Variants in GLRA2 observed in about 807,000 individuals in gnomAD.
GLRA2 encodes the protein glycine receptor alpha 2, also known as glycine receptor subunit alpha-2.
Under a neutral mutation model 31.6 loss-of-function variants are expected in GLRA2, and 11 were observed. That is an observed-to-expected ratio of 0.35 (90% CI 0.22 to 0.58). The LOEUF (loss-of-function observed/expected upper bound fraction) is 0.58. GLRA2 is among the 20% of genes least tolerant of loss of function. The probability of loss-of-function intolerance (pLI) is 0.84; values close to 1 mark genes in which losing one functional copy is unlikely to be tolerated. For missense variants in GLRA2, 212 were observed against 351.8 expected, an observed-to-expected ratio of 0.60 and a Z score of 3.18; for synonymous variants, 132 against 134.0, an observed-to-expected ratio of 0.99 and a Z score of 0.10.
At chrX:14,643,466 G>A (rs151168046) in intron 7 of GLRA2, among the ~76,000 whole-genome samples, 2,984 of 111,377 alleles carry the variant, frequency 0.027, 59 homozygotes, top group African/African-American at 0.074. Context: ...AGAAATACCC[G>A]GGGTTAGTTT....
At chrX:14,578,098 T>C (rs969118170) in intron 3 of GLRA2, among the ~76,000 whole-genome samples, 1 of 112,173 alleles carries the variant, frequency 8.9e-6, no homozygotes, top group Non-Finnish European at 1.9e-5. Flanking sequence ...TTTGAGTTTC[T>C]AAACCTGTTG....
At chrX:14,512,438 T>C in the GLRA2 span, among the ~76,000 whole-genome samples, 3 of 111,273 alleles carry the variant, frequency 2.7e-5, no homozygotes, top group African/African-American at 9.8e-5. Context: ...AGACAAGAGA[T>C]AGAAATAAAG....
At chrX:14,501,750 A>G in the GLRA2 span, among the ~76,000 whole-genome samples, 1 of 111,877 alleles carries the variant, frequency 8.9e-6, no homozygotes, top group Admixed American at 9.5e-5. Context: ...CAGGAATCGT[A>G]ATTATAGTTG....
chrX:14,467,806 G>A, the GLRA2 span, among the ~76,000 whole-genome samples: 1 of 110,170 alleles, frequency 9.1e-6, no homozygotes, highest in African/African-American at 3.3e-5. Context: ...CTCCTGAAGT[G>A]TGATATAAAT....
intron 7 of GLRA2, among the ~76,000 whole-genome samples, chrX:14,615,447 A>G (rs987253818): frequency 9.0e-6 from 1 of 111,611 alleles, no homozygotes; most frequent in Admixed American, 9.6e-5. Flanking sequence ...AGGCATTTGG[A>G]ATGGTGATTA....
the GLRA2 span, among the ~76,000 whole-genome samples, chrX:14,474,212 G>T: frequency 2.7e-5 from 3 of 111,179 alleles, no homozygotes; most frequent in Non-Finnish European, 5.7e-5. Flanking sequence ...CCAACTCACC[G>T]GGCTCTTCAC....
intron 8 of GLRA2, among the ~76,000 whole-genome samples, chrX:14,702,329 A>G (rs2091556038): frequency 8.9e-6 from 1 of 112,005 alleles, no homozygotes; most frequent in Non-Finnish European, 1.9e-5. Context: ...GATTGGAATA[A>G]GGCACAAGAT....
chrX:14,709,650 T>A (rs2091683975), intron 8 of GLRA2, among the ~76,000 whole-genome samples: 1 of 112,122 alleles, frequency 8.9e-6, no homozygotes, highest in African/African-American at 3.2e-5. Flanking sequence ...ACAGAGATGA[T>A]CTGCAAAGCT....
chrX:14,678,350 CAA>C (rs974602206), intron 7 of GLRA2, among the ~76,000 whole-genome samples: 2 of 112,111 alleles, frequency 1.8e-5, no homozygotes, highest in African/African-American at 6.5e-5. Flanking sequence ...TTCACAGAAG[CAA>C]AAGACTAGGT....
At chrX:14,518,738 C>T in the GLRA2 span, among the ~76,000 whole-genome samples, 1 of 108,951 alleles carries the variant, frequency 9.2e-6, no homozygotes, top group Non-Finnish European at 1.9e-5. Context: ...TGGCCAGGTG[C>T]GGTGGCTCAT....
chrX:14,644,102 G>T (rs1473842476), intron 7 of GLRA2, among the ~76,000 whole-genome samples: 2 of 111,443 alleles, frequency 1.8e-5, no homozygotes. Flanking sequence ...CACTCACCTT[G>T]GGCTCTGCTT....
the GLRA2 span, among the ~76,000 whole-genome samples, chrX:14,472,750 TCA>T: frequency 9.0e-6 from 1 of 111,712 alleles, no homozygotes; most frequent in East Asian, 2.8e-4. Context: ...TGTTCTGAAC[TCA>T]CAGAGATTCA....
chrX:14,667,050 C>T (rs1310168733), intron 7 of GLRA2, among the ~76,000 whole-genome samples: 2 of 112,184 alleles, frequency 1.8e-5, no homozygotes, highest in African/African-American at 6.5e-5. Context: ...GAACAGTCTA[C>T]GGTGATTTGT....
At chrX:14,611,268 A>G (rs6630695) in intron 7 of GLRA2, among the ~76,000 whole-genome samples, 28,100 of 112,299 alleles carry the variant, frequency 0.25, 2,581 homozygotes, top group Non-Finnish European at 0.28. Context: ...CATTTACTTC[A>G]GGGCCTCCTA....
At chrX:14,575,673 C>G (rs776096257) in intron 3 of GLRA2, among the ~76,000 whole-genome samples, 1 of 110,913 alleles carries the variant, frequency 9.0e-6, no homozygotes, top group South Asian at 3.9e-4. Flanking sequence ...ATTGCCCAGG[C>G]TGGTCTCAAA....
chrX:14,491,206 C>T, the GLRA2 span, among the ~76,000 whole-genome samples: 1 of 111,750 alleles, frequency 8.9e-6, no homozygotes, highest in Non-Finnish European at 1.9e-5. Flanking sequence ...TAAGCTTTTT[C>T]ATTTAAAAAT....
chrX:14,451,595 G>A, the GLRA2 span, among the ~76,000 whole-genome samples: 1 of 94,541 alleles, frequency 1.1e-5, no homozygotes. Context: ...CCAAGATCAC[G>A]ATCACACCAC....
At chrX:14,663,102 T>C (rs1243300170) in intron 7 of GLRA2, among the ~76,000 whole-genome samples, 2 of 111,451 alleles carry the variant, frequency 1.8e-5, no homozygotes, top group Non-Finnish European at 3.8e-5. Context: ...CTAATTTGTA[T>C]ACCTTTAGTT....
intron 2 of GLRA2, among the ~76,000 whole-genome samples, chrX:14,548,963 C>A (rs1015770253): frequency 2.7e-5 from 3 of 111,544 alleles, no homozygotes; most frequent in African/African-American, 6.5e-5. Context: ...AGGATTCTCC[C>A]AGATTATGAG....
Sources: allele counts gnomAD v4.1 joint callset (sites outside exome capture counted in the v4.1 genomes callset), GRCh38; gene constraint gnomAD v4.1.1; transcripts MANE v1.5; gene names NCBI Gene and HGNC (gene_info 2026-07-23, HGNC 2026-07-21).